SLC2A13: variants seen among roughly 807,000 people sequenced by gnomAD.
The protein encoded by SLC2A13 is proton myo-inositol cotransporter.
A neutral mutation model predicts 64.4 loss-of-function variants in SLC2A13; 32 were observed. That is an observed-to-expected ratio of 0.50 (90% CI 0.37 to 0.67). SLC2A13 has a LOEUF of 0.67. Among genes scored for constraint, SLC2A13 ranks in the 30% least tolerant of loss-of-function variants. The probability of loss-of-function intolerance (pLI) is 0.00; values close to 1 mark genes in which losing one functional copy is unlikely to be tolerated. For missense variants in SLC2A13, 743 were observed against 829.2 expected, an observed-to-expected ratio of 0.90 and a Z score of 1.28; for synonymous variants, 338 against 327.1, an observed-to-expected ratio of 1.03 and a Z score of -0.36.
At chr12:40,032,797 T>C (rs903265698) in intron 2 of SLC2A13, among the ~76,000 whole-genome samples, 2 of 152,218 alleles carry the variant, frequency 1.3e-5, no homozygotes, top group African/African-American at 4.8e-5. Context: ...AATCCTCTCA[T>C]ATCTGCTTCC....
intron 4 of SLC2A13, among the ~76,000 whole-genome samples, chr12:39,931,331 T>G (rs745406958): frequency 6.6e-6 from 1 of 152,158 alleles, no homozygotes; most frequent in African/African-American, 2.4e-5. Context: ...TGCTACTAAA[T>G]GAGACCAGAG....
chr12:39,760,853 T>G (rs752405816), intron 9 of SLC2A13, among the ~76,000 whole-genome samples: 2 of 150,450 alleles, frequency 1.3e-5, no homozygotes, highest in Non-Finnish European at 3.0e-5. Context: ...GATATATGAA[T>G]GTATGACTTG....
intron 6 of SLC2A13, among the ~76,000 whole-genome samples, chr12:39,855,270 G>A (rs1185904244): frequency 6.6e-6 from 1 of 152,002 alleles, no homozygotes; most frequent in Non-Finnish European, 1.5e-5. Context: ...TAATTGATTT[G>A]CCTTGTACTT....
chr12:39,884,332 CAT>C (rs974100685), intron 4 of SLC2A13, among the ~76,000 whole-genome samples: 22 of 152,296 alleles, frequency 1.4e-4, no homozygotes, highest in African/African-American at 2.9e-4. Flanking sequence ...GGAACTTACA[CAT>C]GTCTTCAGAA....
At chr12:39,817,020 C>G (rs1412690437) in intron 7 of SLC2A13, among the ~76,000 whole-genome samples, 1 of 151,840 alleles carries the variant, frequency 6.6e-6, no homozygotes, top group Non-Finnish European at 1.5e-5. Flanking sequence ...ATACCAAGAA[C>G]CACAAATGCC....
chr12:39,904,512 G>A (rs1308820123), intron 4 of SLC2A13, among the ~76,000 whole-genome samples: 1 of 152,070 alleles, frequency 6.6e-6, no homozygotes, highest in East Asian at 1.9e-4. Flanking sequence ...TATACTTCAA[G>A]ACCTTAACTT....
chr12:40,007,266 T>C (rs1020909454), intron 3 of SLC2A13, among the ~76,000 whole-genome samples: 2 of 152,198 alleles, frequency 1.3e-5, no homozygotes. Flanking sequence ...ATACATTAGG[T>C]TATTTGTCAT....
At chr12:39,948,973 T>C (rs572468472) in intron 4 of SLC2A13, among the ~76,000 whole-genome samples, 1 of 152,244 alleles carries the variant, frequency 6.6e-6, no homozygotes, top group African/African-American at 2.4e-5. Context: ...TTCCTTAATC[T>C]TGAGAATAAT....
At chr12:40,061,491 A>G (rs1264778018) in intron 1 of SLC2A13, among the ~76,000 whole-genome samples, 1 of 152,164 alleles carries the variant, frequency 6.6e-6, no homozygotes, top group Non-Finnish European at 1.5e-5. Flanking sequence ...AAGAAACACA[A>G]TCAAAAATAA....
intron 3 of SLC2A13, among the ~76,000 whole-genome samples, chr12:39,993,250 T>C (rs1947170319): frequency 2.0e-5 from 3 of 152,238 alleles, no homozygotes; most frequent in Non-Finnish European, 4.4e-5. Context: ...ATATTACTGA[T>C]AAAAATTTCC....
At chr12:39,826,456 T>G (rs1192063426) in intron 7 of SLC2A13, among the ~76,000 whole-genome samples, 2 of 132,662 alleles carry the variant, frequency 1.5e-5, no homozygotes, top group South Asian at 2.2e-4. Flanking sequence ...TTTTTCTGGG[T>G]TTTTTTTTTT....
chr12:39,823,690 C>A (rs1942586427), intron 7 of SLC2A13, among the ~76,000 whole-genome samples: 1 of 152,136 alleles, frequency 6.6e-6, no homozygotes, highest in East Asian at 1.9e-4. Context: ...CTCAAGTGAT[C>A]CTCCTGCTTT....
At chr12:40,082,101 G>C (rs1278296683) in intron 1 of SLC2A13, among the ~76,000 whole-genome samples, 1 of 152,192 alleles carries the variant, frequency 6.6e-6, no homozygotes, top group Non-Finnish European at 1.5e-5. Flanking sequence ...CTCCAATGCA[G>C]TCTGCCAGCA....
At chr12:40,012,040 A>G (rs906913987) in intron 3 of SLC2A13, among the ~76,000 whole-genome samples, 3 of 152,178 alleles carry the variant, frequency 2.0e-5, no homozygotes, top group Non-Finnish European at 2.9e-5. Context: ...TCACATAAAG[A>G]TCTGCTGCAT....
At chr12:39,784,222 T>G (rs1414403090) in intron 7 of SLC2A13, among the ~76,000 whole-genome samples, 1 of 152,142 alleles carries the variant, frequency 6.6e-6, no homozygotes. Flanking sequence ...TGGAAAAAAC[T>G]ACTTTAAAGT....
chr12:39,922,763 C>T (rs1244524464), intron 4 of SLC2A13, among the ~76,000 whole-genome samples: 3 of 152,036 alleles, frequency 2.0e-5, no homozygotes, highest in East Asian at 1.9e-4. Context: ...TCACTAAATA[C>T]TGCCTCTATT....
intron 7 of SLC2A13, among the ~76,000 whole-genome samples, chr12:39,790,475 T>G (rs556658663): frequency 6.6e-6 from 1 of 150,568 alleles, no homozygotes; most frequent in East Asian, 2.0e-4. Context: ...CGGTGTTTGG[T>G]TTTTTGTTCT....
intron 5 of SLC2A13, 56 bp downstream of exon 5, chr12:39,871,742 A>C: frequency 6.6e-7 from 1 of 1,507,790 alleles, no homozygotes; most frequent in Non-Finnish European, 8.9e-7. Flanking sequence ...TGAAGGTTAA[A>C]CTTGAAGTTA....
chr12:39,962,004 A>T (rs1422102084), intron 3 of SLC2A13, among the ~76,000 whole-genome samples: 2 of 152,232 alleles, frequency 1.3e-5, no homozygotes, highest in Admixed American at 6.5e-5. Flanking sequence ...TTACTTAATT[A>T]AAAAAGCAAT....
Sources: allele counts gnomAD v4.1 joint callset (sites outside exome capture counted in the v4.1 genomes callset), GRCh38; gene constraint gnomAD v4.1.1; transcripts MANE v1.5; gene names NCBI Gene and HGNC (gene_info 2026-07-23, HGNC 2026-07-21).